Variants in RIPOR2 observed in about 807,000 individuals in gnomAD.
RIPOR2 encodes rho family-interacting cell polarization regulator 2.
Under a neutral mutation model 114.5 loss-of-function variants are expected in RIPOR2, and 39 were observed. The ratio of observed to expected loss-of-function variants is 0.34; its 90% confidence interval spans 0.26 to 0.44. The LOEUF (loss-of-function observed/expected upper bound fraction) is 0.44. Among genes scored for constraint, RIPOR2 ranks in the 20% least tolerant of loss-of-function variants. The pLI, the probability that RIPOR2 is intolerant of heterozygous loss-of-function variation, is 1.00. For missense variants in RIPOR2, 1,007 were observed against 1,255.1 expected (o/e 0.80, Z 2.99); for synonymous variants, 445 against 484.4 (o/e 0.92, Z 1.07).
At chr6:24,860,523 C>G (rs1025492465) in intron 8 of RIPOR2, among the ~76,000 whole-genome samples, 1 of 152,086 alleles carries the variant, frequency 6.6e-6, no homozygotes, top group Non-Finnish European at 1.5e-5. Flanking sequence ...GCTGTGAAAA[C>G]GTGACAGTAC....
In RIPOR2 at chr6:24,829,562, G is replaced by A. The variant is rs570298623; in HGVS notation, c.2506+947C>T. 6.8e-4 allele frequency among the ~76,000 whole-genome samples: 104 copies of A among 152,334 alleles called. 1 individual carries two copies. The highest frequency in any genetic ancestry group is 2.4e-3 in the African/African-American group (99 of 41,578). On this transcript the variant is annotated intron_variant, in intron 17 of 21. Transcript: ENST00000643898. ...GAATCTCCTGAGCCCAGGAGATTGA[G>A]GCTGCAGTGAGCTGTTAAAACATCA...
In RIPOR2 at chr6:24,998,155, C is replaced by T. The variant is rs193107437; in HGVS notation, c.76+43696G>A. Among the ~76,000 whole-genome samples the T allele has an allele frequency of 4.8e-3, 730 of 152,210 alleles. 3 individuals are homozygous for T. The highest frequency in any genetic ancestry group is 6.9e-3 in the Non-Finnish European group (472 of 68,008). On this transcript the variant is annotated intron_variant, in intron 1 of 13. Transcript: ENST00000510784. ...GCCAAGCCCCTCTTTTTCTCCTTTT[C>T]CCCTTAACTTCCTCAATCTGTTTGT...
intron 1 of RIPOR2, among the ~76,000 whole-genome samples, chr6:24,890,016 C>T (rs1022079400): frequency 2.2e-4 from 34 of 152,172 alleles, no homozygotes; most frequent in Non-Finnish European, 4.9e-4. Context: ...CTCAACCTCC[C>T]GAGTAGCTGG....
chr6:24,854,838 G>A (rs944608752), intron 8 of RIPOR2, among the ~76,000 whole-genome samples: 5 of 152,026 alleles, frequency 3.3e-5, no homozygotes, highest in African/African-American at 1.2e-4. Context: ...GGCCATCCTG[G>A]CCAACATGGT....
intron 8 of RIPOR2, among the ~76,000 whole-genome samples, chr6:24,857,767 G>A (rs1763628926): frequency 6.6e-6 from 1 of 152,154 alleles, no homozygotes. Flanking sequence ...TGCACTGCCT[G>A]GAACTTAATT....
chr6:25,022,012 TA>T (rs1470148615), intron 1 of RIPOR2, among the ~76,000 whole-genome samples: 2 of 151,972 alleles, frequency 1.3e-5, no homozygotes, highest in South Asian at 4.2e-4. Context: ...ACATTAAACT[TA>T]AAAAAAATGG....
At chr6:24,917,793 T>A (rs1474787281) in intron 1 of RIPOR2, among the ~76,000 whole-genome samples, 1 of 152,214 alleles carries the variant, frequency 6.6e-6, no homozygotes, top group Non-Finnish European at 1.5e-5. Context: ...CCTCCCAAAG[T>A]GCTGGGATTA....
rs1347553400 is a variant in RIPOR2, at chr6:24,811,457, G to A, written c.2953-1650C>T. Among the ~76,000 whole-genome samples, 6 of 148,726 alleles carry A rather than the reference G, an allele frequency of 4.0e-5. 1 individual carries two copies. Among genetic ancestry groups the A allele is most frequent in the African/African-American group, 1.5e-4 (6 of 40,326 alleles). ...TCATCATGTTGACCAGGCTGGTCTC[G>A]ATCTCCTGACCTCAAGTGATACGCC... On this transcript the variant is annotated intron_variant, in intron 20 of 21. Coordinates refer to ENST00000643898, the MANE Select transcript of RIPOR2 (RefSeq NM_001286445.3).
intron 1 of RIPOR2, among the ~76,000 whole-genome samples, chr6:24,980,949 T>A (rs1774262783): frequency 6.6e-6 from 1 of 152,152 alleles, no homozygotes; most frequent in Non-Finnish European, 1.5e-5. Flanking sequence ...ATTGTCCCAG[T>A]CTTCTATCTC....
intron 1 of RIPOR2, among the ~76,000 whole-genome samples, chr6:24,972,260 T>C (rs574357501): frequency 6.6e-6 from 1 of 152,322 alleles, no homozygotes; most frequent in East Asian, 1.9e-4. Context: ...GCAGTTTAGG[T>C]AACAGTGAAA....
intron 1 of RIPOR2, among the ~76,000 whole-genome samples, chr6:24,957,159 A>G (rs913864285): frequency 2.0e-5 from 3 of 152,250 alleles, no homozygotes; most frequent in Non-Finnish European, 4.4e-5. Flanking sequence ...TAGCATTTAT[A>G]AAGGATGCAA....
intron 1 of RIPOR2, among the ~76,000 whole-genome samples, chr6:24,912,381 A>G (rs1342071294): frequency 6.6e-6 from 1 of 151,862 alleles, no homozygotes; most frequent in African/African-American, 2.4e-5. Flanking sequence ...GCTTTTGCTC[A>G]TTTCCAAATG....
In RIPOR2 at chr6:24,828,222, G is replaced by A. The variant is rs183833831; in HGVS notation, c.2580C>T (p.Val860=). The A allele has an allele frequency of 4.7e-5, 73 of 1,551,390 alleles. No homozygotes were observed. Among genetic ancestry groups the A allele is most frequent in the African/African-American group, 2.9e-4 (21 of 73,136 alleles). ...PLLSSSLSSE[V]VTVFQYYSYF... is the part of the protein sequence containing the mutation. ...AACTGTAATACTGGAAAACAGTGACGACTTCCGAGGACAGGCTGGAGGAAA... is the reference window on the plus strand; with the variant it reads ...AACTGTAATACTGGAAAACAGTGACAACTTCCGAGGACAGGCTGGAGGAAA... Residue 860 remains valine, a synonymous_variant, in exon 18 of 22, where the codon GTC becomes GTT. Coordinates refer to ENST00000643898, the MANE Select transcript of RIPOR2 (RefSeq NM_001286445.3).
At chr6:24,999,973 A>T (rs1037293722) in intron 1 of RIPOR2, among the ~76,000 whole-genome samples, 8 of 152,316 alleles carry the variant, frequency 5.3e-5, no homozygotes, top group African/African-American at 1.9e-4. Flanking sequence ...GGTGGTGGTG[A>T]GAGAAGGTCA....
chr6:24,869,316 ATTTTT>A (rs56329568), intron 5 of RIPOR2, among the ~76,000 whole-genome samples, 169 bp from the exon 6 acceptor site: 1 of 135,028 alleles, frequency 7.4e-6, no homozygotes, highest in Non-Finnish European at 1.6e-5. Context: ...ACCAATTTGG[ATTTTT>A]TTTTTTTTTT....
intron 1 of RIPOR2, among the ~76,000 whole-genome samples, chr6:24,923,184 T>C (rs901181498): frequency 1.3e-5 from 2 of 152,194 alleles, no homozygotes; most frequent in Non-Finnish European, 2.9e-5. Flanking sequence ...TCAAGGTCCA[T>C]GCATGTGGTA....
chr6:24,897,958 A>C (rs889689029), intron 1 of RIPOR2, among the ~76,000 whole-genome samples: 3 of 151,476 alleles, frequency 2.0e-5, no homozygotes, highest in Non-Finnish European at 1.5e-5. Flanking sequence ...CGGGAGGCGG[A>C]GGTTGCAGAG....
At chr6:24,879,550 G>A (rs1766152876) in intron 1 of RIPOR2, among the ~76,000 whole-genome samples, 1 of 152,180 alleles carries the variant, frequency 6.6e-6, no homozygotes, top group Non-Finnish European at 1.5e-5. Context: ...GTGACACATG[G>A]CCTAAGGAGA....
chr6:24,843,710 TGTGTGTGTGTGTG>T (rs1211605973), intron 12 of RIPOR2, among the ~76,000 whole-genome samples, 156 bp from the exon 13 acceptor site: 5 of 140,456 alleles, frequency 3.6e-5, no homozygotes, highest in African/African-American at 1.5e-4. Context: ...TGTGTGTGTG[TGTGTGTGTGTGTG>T]TGTGTGTGTG....
Sources: gnomAD v4.1 joint callset for allele counts (sites outside exome capture counted in the v4.1 genomes callset) on GRCh38, gnomAD v4.1.1 for gene constraint, MANE v1.5 for transcripts, NCBI Gene and HGNC (gene_info 2026-07-23, HGNC 2026-07-21) for gene names.